The following SEPTIN9 variants were observed in gnomAD, a reference collection of about 807,000 sequenced individuals.
SEPTIN9 encodes septin-9.
SEPTIN9 carries 13 observed loss-of-function variants against 56.6 expected under a neutral mutation model. The observed-to-expected ratio is 0.23, with a 90% confidence interval of 0.15 to 0.37. The LOEUF is 0.37. SEPTIN9 is among the 10% of genes least tolerant of loss of function. SEPTIN9 has a pLI of 1.00. For missense variants in SEPTIN9, 650 were observed against 823.1 expected (o/e 0.79, Z 2.57); for synonymous variants, 332 against 334.1 (o/e 0.99, Z 0.07).
intron 3 of SEPTIN9, among the ~76,000 whole-genome samples, chr17:77,441,704 G>A (rs944898464): frequency 6.6e-6 from 1 of 152,176 alleles, no homozygotes; most frequent in African/African-American, 2.4e-5. Context: ...TTTTCTTTCC[G>A]TTTTTAAAAA....
intron 2 of SEPTIN9, among the ~76,000 whole-genome samples, chr17:77,364,614 C>G (rs1462321394): frequency 6.6e-6 from 1 of 152,198 alleles, no homozygotes; most frequent in Admixed American, 6.5e-5. Flanking sequence ...CAGGAAGAGA[C>G]CAGGGCTGGG....
At chr17:77,454,686 C>G (rs866893036) in intron 3 of SEPTIN9, among the ~76,000 whole-genome samples, 2 of 152,204 alleles carry the variant, frequency 1.3e-5, no homozygotes. Flanking sequence ...TGTTCAAACT[C>G]GCCGCCGCTC....
rs2033896217 is a variant in SEPTIN9, at chr17:77,346,332, A to G, written c.76+39135A>G. Among the ~76,000 whole-genome samples the G allele has an allele frequency of 2.4e-5, 3 of 125,484 alleles. No individual in the cohort carries two copies. In the South Asian group the frequency reaches 7.6e-4, roughly 32 times the overall value. The allele number at this position is 125,484 out of a possible 152,430, so 82.3% of individuals were successfully genotyped here. On this transcript the variant is annotated intron_variant, in intron 2 of 11. Coordinates refer to ENST00000427177, the MANE Select transcript of SEPTIN9 (RefSeq NM_001113491.2). Reference sequence around the variant, plus strand: ...TACTTCTTTTCTAATATAAGCACTTACAGTTTCCCTCTAAGCACTAGCTTC... The same window carrying G: ...TACTTCTTTTCTAATATAAGCACTTGCAGTTTCCCTCTAAGCACTAGCTTC...
chr17:77,418,281 G>A (rs909594047), intron 3 of SEPTIN9, among the ~76,000 whole-genome samples: 15 of 152,162 alleles, frequency 9.9e-5, no homozygotes, highest in African/African-American at 3.1e-4. Flanking sequence ...TCAGATGGCC[G>A]GAAAGGCAGC....
intron 2 of SEPTIN9, among the ~76,000 whole-genome samples, chr17:77,343,717 G>T (rs979118258): frequency 6.6e-6 from 1 of 152,176 alleles, no homozygotes; most frequent in African/African-American, 2.4e-5. Flanking sequence ...TCTGGTTGGT[G>T]TCAGAATTGA....
At chr17:77,420,916 CA>C (rs1441817855) in intron 3 of SEPTIN9, among the ~76,000 whole-genome samples, 2 of 152,358 alleles carry the variant, frequency 1.3e-5, no homozygotes, top group East Asian at 3.9e-4. Context: ...TTACTTTCAT[CA>C]TCCCATTTTC....
chr17:77,331,220 A>T (rs1434818936), intron 2 of SEPTIN9, among the ~76,000 whole-genome samples: 2 of 152,086 alleles, frequency 1.3e-5, no homozygotes, highest in Non-Finnish European at 2.9e-5. Context: ...ATAATAATAA[A>T]AACTACAGCT....
chr17:77,433,484 G>C lies in SEPTIN9; in HGVS notation c.721+30781G>C, dbSNP rs2037224425. On this transcript the variant is annotated intron_variant, in intron 3 of 11. Coordinates refer to ENST00000427177, the MANE Select transcript of SEPTIN9 (RefSeq NM_001113491.2). This position sits in a 1 kb window ranked among gnomAD's most constrained non-coding sequence, Gnocchi z 6.4. ...ACATGTGGCACTGGGACACGGAGAG[G>C]CTTTTGTGCCTGTGACGGCCAAAAG... 6.6e-6 allele frequency among the ~76,000 whole-genome samples: 1 copy of C among 152,162 alleles called. No homozygotes were observed. Among genetic ancestry groups the C allele is most frequent in the East Asian group, 1.9e-4 (1 of 5,186 alleles).
chr17:77,402,279 G>A lies in SEPTIN9; in HGVS notation c.297G>A (p.Lys99=). 6.2e-7 allele frequency: 1 copy of A among 1,611,892 alleles called. No homozygotes were observed. Among genetic ancestry groups the A allele is most frequent in the Admixed American group, 1.7e-5 (1 of 59,984 alleles). Residue 99 remains lysine (K), a synonymous_variant, in exon 3 of 12, where the codon AAG becomes AAA. Coordinates refer to ENST00000427177, the MANE Select transcript of SEPTIN9 (RefSeq NM_001113491.2). This position sits in a 1 kb window ranked among gnomAD's most constrained non-coding sequence, Gnocchi z 6.6. ...GGAGGGTGGAGCTCTCGGGCCCCAA[G>A]GCGGCCGAGCCGGTGTCCCGGCGCA... ...SLRRVELSGP[K]AAEPVSRRTE... is the part of the protein sequence containing the mutation.
In SEPTIN9 at chr17:77,482,613, G is replaced by A. The variant is rs550623060; in HGVS notation, c.913+278G>A. The A allele has an allele frequency of 9.0e-5, 58 of 643,530 alleles. No individual in the cohort carries two copies. In the African/African-American group the frequency reaches 9.9e-4, roughly 11 times the overall value. 39.9% of individuals were successfully genotyped at this position (643,530 alleles called of 1,614,324 possible). ...CGGCCTGGAGCAGGTCCTGATGAGT[G>A]GTCGCTGCCTCTGAGCAATGACGTC... On this transcript the variant is annotated intron_variant, in intron 4 of 11. Coordinates refer to ENST00000427177, the MANE Select transcript of SEPTIN9 (RefSeq NM_001113491.2).
Position 77,492,825 on chromosome 17 carries a change from G to C in SEPTIN9, c.1476+109G>C, listed in dbSNP as rs957474448. The C allele has an allele frequency of 1.6e-6, 2 of 1,237,990 alleles. No homozygotes were observed. 76.7% of individuals were successfully genotyped at this position (1,237,990 alleles called of 1,614,324 possible). ...CCATGAAATTATATTCTTGGGGCCA[G>C]AGGGCACTGAGCCCAGGTGTCTGTA... On this transcript the variant is annotated intron_variant, in intron 9 of 11. Coordinates refer to ENST00000427177, the MANE Select transcript of SEPTIN9 (RefSeq NM_001113491.2). The surrounding 1 kb of genome is among the most constrained non-coding windows in gnomAD (Gnocchi z 5.4).
At chr17:77,455,309 T>C (rs960325136) in intron 3 of SEPTIN9, among the ~76,000 whole-genome samples, 2 of 152,190 alleles carry the variant, frequency 1.3e-5, no homozygotes, top group African/African-American at 4.8e-5. Flanking sequence ...CTGCATGGCC[T>C]TCAGGAAGGG....
intron 3 of SEPTIN9, among the ~76,000 whole-genome samples, chr17:77,420,617 G>T (rs1718406970): frequency 6.6e-6 from 1 of 152,092 alleles, no homozygotes; most frequent in East Asian, 1.9e-4. Context: ...TAGATCTCAG[G>T]CGGACTTCCC....
At chr17:77,412,641 A>G (rs1443861865) in intron 3 of SEPTIN9, among the ~76,000 whole-genome samples, 4 of 151,762 alleles carry the variant, frequency 2.6e-5, no homozygotes, top group Admixed American at 2.6e-4. Context: ...TGGGAGGATC[A>G]TTTGAGTCTG....
At chr17:77,351,020 A>G (rs570546009) in intron 2 of SEPTIN9, among the ~76,000 whole-genome samples, 1 of 144,470 alleles carries the variant, frequency 6.9e-6, no homozygotes. Context: ...GTGCCTGCAC[A>G]TGTGTGCACG....
intron 2 of SEPTIN9, among the ~76,000 whole-genome samples, chr17:77,354,329 C>G (rs1474630215): frequency 6.6e-6 from 1 of 152,196 alleles, no homozygotes; most frequent in Non-Finnish European, 1.5e-5. Context: ...CACATGAACG[C>G]TCACTCATGC....
chr17:77,443,529 A>G (rs1185719613), intron 3 of SEPTIN9, among the ~76,000 whole-genome samples: 1 of 152,224 alleles, frequency 6.6e-6, no homozygotes, highest in African/African-American at 2.4e-5. Context: ...GCAGTGACTC[A>G]CGCCTATAAT....
chr17:77,472,980 A>G (rs2143069101), intron 3 of SEPTIN9, among the ~76,000 whole-genome samples: 1 of 152,372 alleles, frequency 6.6e-6, no homozygotes, highest in East Asian at 1.9e-4. Flanking sequence ...GAGTGTTTGT[A>G]GTAGCTTGGG....
At chr17:77,482,903 T>G in intron 4 of SEPTIN9, 1 of 259,362 alleles carries the variant, frequency 3.9e-6, no homozygotes, top group East Asian at 7.8e-5. Context: ...CGCCTGTTGT[T>G]TCCAAAGCCC....
Sources: gnomAD v4.1 joint callset for allele counts (sites outside exome capture counted in the v4.1 genomes callset) on GRCh38, gnomAD v4.1.1 for gene constraint, Gnocchi (gnomAD v3.1) non-coding constraint, MANE v1.5 for transcripts, NCBI Gene and HGNC (gene_info 2026-07-23, HGNC 2026-07-21) for gene names.